The following PPP2R2A variants were observed in gnomAD, a reference collection of about 807,000 sequenced individuals.
PPP2R2A encodes the protein serine/threonine-protein phosphatase 2A 55 kDa regulatory subunit B alpha isoform.
PPP2R2A carries 9 observed loss-of-function variants against 53.2 expected under a neutral mutation model. The observed-to-expected ratio is 0.17, with a 90% CI of 0.10 to 0.30. PPP2R2A has a LOEUF of 0.30. PPP2R2A is among the 10% of genes least tolerant of loss of function. The pLI is 1.00. For synonymous variants in PPP2R2A, 169 were observed against 174.2 expected (o/e 0.97, Z 0.23); for missense variants, 235 against 534.6 (o/e 0.44, Z 5.53).
intron 4 of PPP2R2A, among the ~76,000 whole-genome samples, chr8:26,357,094 A>C (rs1476190784): frequency 6.6e-6 from 1 of 152,202 alleles, no homozygotes. Context: ...GATTATGAGA[A>C]TCATATGAAC....
chr8:26,292,401 G>T, intron 1 of PPP2R2A: 1 of 985,560 alleles, frequency 1.0e-6, no homozygotes, highest in Non-Finnish European at 1.2e-6. Flanking sequence ...TTTCGTTTCC[G>T]TTTCTTCCCT....
At chr8:26,368,457 AG>A (rs1171123450) in intron 9 of PPP2R2A, among the ~76,000 whole-genome samples, 4 of 152,254 alleles carry the variant, frequency 2.6e-5, no homozygotes, top group African/African-American at 9.6e-5. Context: ...AATGTCGAGC[AG>A]TAATGGGTGG....
chr8:26,338,904 A>G lies in PPP2R2A; in HGVS notation c.97A>G (p.Thr33Ala), dbSNP rs1479312740. The G allele has an allele frequency of 6.3e-7, 1 of 1,593,362 alleles. No homozygotes were observed. The highest frequency in any genetic ancestry group is 1.3e-5 in the African/African-American group (1 of 74,556). ...CAATTATACAGCAGATATAATTTCT[A>G]CAGTAGAATTTAATCATTCTGGAGA... ...DDVAEADIIS[T>A]VEFNHSGELL... The change falls in exon 3 of 10, where the codon ACA (threonine) becomes GCA (alanine). Residue 33 changes from threonine to alanine, a missense_variant. By Grantham distance (58) the Thr-to-Ala change is moderately conservative. Transcript: ENST00000380737. The surrounding 1 kb of genome is among the most constrained non-coding windows in gnomAD (Gnocchi z 4.5).
chr8:26,303,821 AC>A (rs1337242556), intron 2 of PPP2R2A, among the ~76,000 whole-genome samples: 1 of 152,198 alleles, frequency 6.6e-6, no homozygotes, highest in African/African-American at 2.4e-5. Context: ...GTAGTTGATT[AC>A]AATATCATCT....
Position 26,360,029 on chromosome 8 carries a change from A to AT in PPP2R2A, c.347-134dup, listed in dbSNP as rs1444107520. ...TATGTTATTCAGCTGATAATAGGAA[A>AT]TTTTTTAGTAAGTTCAGATTAGGGT... On this transcript the variant is annotated intron_variant, in intron 4 of 9. Coordinates refer to ENST00000380737, the MANE Select transcript of PPP2R2A (RefSeq NM_002717.4). The surrounding 1 kb of genome is among the most constrained non-coding windows in gnomAD (Gnocchi z 4.5). 9 of 509,742 alleles carry AT rather than the reference A, an allele frequency of 1.8e-5. No individual in the cohort carries two copies. In the Admixed American group the frequency reaches 3.0e-4, roughly 17 times the overall value. 31.6% of individuals were successfully genotyped at this position (509,742 alleles called of 1,614,324 possible).
At chr8:26,296,827 G>T (rs1554506338) in intron 2 of PPP2R2A, among the ~76,000 whole-genome samples, 1 of 152,132 alleles carries the variant, frequency 6.6e-6, no homozygotes, top group Non-Finnish European at 1.5e-5. Flanking sequence ...TATTTACTTG[G>T]TAGGCTTTTT....
chr8:26,357,115 G>T (rs548574286), intron 4 of PPP2R2A, among the ~76,000 whole-genome samples: 1 of 152,164 alleles, frequency 6.6e-6, no homozygotes, highest in Non-Finnish European at 1.5e-5. Context: ...TGTTGTGTCT[G>T]GGTAGATGGG....
At chr8:26,294,884 G>T (rs1239822438) in intron 2 of PPP2R2A, among the ~76,000 whole-genome samples, 1 of 152,104 alleles carries the variant, frequency 6.6e-6, no homozygotes, top group Non-Finnish European at 1.5e-5. Context: ...TTTTCTATTG[G>T]ATCCTCATCT....
intron 2 of PPP2R2A, among the ~76,000 whole-genome samples, chr8:26,305,101 G>C (rs1042680655): frequency 6.6e-6 from 1 of 152,082 alleles, no homozygotes; most frequent in African/African-American, 2.4e-5. Context: ...GCTCTTGGCA[G>C]CTACCATTCT....
At chr8:26,300,741 C>T (rs1280598888) in intron 2 of PPP2R2A, among the ~76,000 whole-genome samples, 2 of 152,116 alleles carry the variant, frequency 1.3e-5, no homozygotes, top group African/African-American at 2.4e-5. Context: ...GTTGTCCCAG[C>T]TACTCAGGCT....
intron 2 of PPP2R2A, among the ~76,000 whole-genome samples, chr8:26,315,525 A>G: frequency 6.6e-6 from 1 of 152,206 alleles, no homozygotes. Context: ...TCTCAAGGTC[A>G]GGTTCAGTTT....
In PPP2R2A at chr8:26,361,067, A is replaced by G. The variant is rs376666072; in HGVS notation, c.553A>G (p.Ile185Val). Residue 185 changes from isoleucine to valine, a missense_variant, in exon 6 of 10, where the codon ATT becomes GTT. Transcript: ENST00000380737. ...TACATATCACATCAACTCAATTTCT[A>G]TTAATAGTGATTATGAAACATATTT... ...AHTYHINSIS[I>V]NSDYETYLSA... The G allele has an allele frequency of 1.0e-5, 16 of 1,605,208 alleles. No homozygotes were observed. Among genetic ancestry groups the G allele is most frequent in the South Asian group, 1.1e-5 (1 of 88,766 alleles).
chr8:26,329,647 C>T lies in PPP2R2A; in HGVS notation c.83-9243C>T, dbSNP rs1420897236. 4.6e-5 allele frequency among the ~76,000 whole-genome samples: 7 copies of T among 152,060 alleles called. No individual in the cohort carries two copies. In the East Asian group the frequency reaches 5.8e-4, roughly 13 times the overall value. ...ACAGTTTTGAACAAGAAAAATTGTT[C>T]GATGGTCTGCATAGCTTAGAATATA... On this transcript the variant is annotated intron_variant, in intron 2 of 9. Coordinates refer to ENST00000380737, the MANE Select transcript of PPP2R2A (RefSeq NM_002717.4).
At chr8:26,303,035 A>G (rs1214593088) in intron 2 of PPP2R2A, among the ~76,000 whole-genome samples, 1 of 152,188 alleles carries the variant, frequency 6.6e-6, no homozygotes, top group Non-Finnish European at 1.5e-5. Context: ...AGTCTCATGA[A>G]CCACAAGGTA....
intron 2 of PPP2R2A, among the ~76,000 whole-genome samples, chr8:26,310,280 C>CAAA (rs1166591932): frequency 3.6e-5 from 1 of 27,542 alleles, no homozygotes; most frequent in Non-Finnish European, 7.7e-5. Flanking sequence ...GACTCCCTCT[C>CAAA]AAAAAAAAAA....
Position 26,372,248 on chromosome 8 carries a change from G to A in PPP2R2A, c.*1835G>A, listed in dbSNP as rs1299454864. Reference sequence around the variant, plus strand: ...TTACTAATTTATTTGGGGATCTTGGGTACATTCTTAATTTGTGTTTATTCT... The same window carrying A: ...TTACTAATTTATTTGGGGATCTTGGATACATTCTTAATTTGTGTTTATTCT... On this transcript the variant is annotated 3_prime_UTR_variant, in exon 10 of 10. Coordinates refer to ENST00000380737, the MANE Select transcript of PPP2R2A (RefSeq NM_002717.4). 6.6e-6 allele frequency: 1 copy of A among 152,114 alleles called. No homozygotes were observed. The highest frequency in any genetic ancestry group is 2.4e-5 in the African/African-American group (1 of 41,416). 9.4% of individuals were successfully genotyped at this position (152,114 alleles called of 1,614,324 possible).
chr8:26,353,783 A>G (rs957678138), intron 3 of PPP2R2A, among the ~76,000 whole-genome samples: 1 of 152,184 alleles, frequency 6.6e-6, no homozygotes, highest in African/African-American at 2.4e-5. Context: ...TGCCAGGTTC[A>G]TAAGATGAGA....
chr8:26,322,197 G>A (rs1802872942), intron 2 of PPP2R2A, among the ~76,000 whole-genome samples: 2 of 152,202 alleles, frequency 1.3e-5, no homozygotes, highest in South Asian at 4.1e-4. Context: ...GTTCTTAAGT[G>A]AAATTTGTGA....
intron 2 of PPP2R2A, among the ~76,000 whole-genome samples, chr8:26,295,038 C>T (rs1321867552): frequency 2.0e-5 from 3 of 152,158 alleles, no homozygotes; most frequent in African/African-American, 7.2e-5. Flanking sequence ...TTGTGTATTA[C>T]TCATGTTGTA....
Sources: gnomAD v4.1 joint callset for allele counts (sites outside exome capture counted in the v4.1 genomes callset) on GRCh38, gnomAD v4.1.1 for gene constraint, Gnocchi (gnomAD v3.1) non-coding constraint, MANE v1.5 for transcripts, NCBI Gene and HGNC (gene_info 2026-07-23, HGNC 2026-07-21) for gene names.